Variants in RFX3 observed in about 807,000 individuals in gnomAD.
The protein encoded by RFX3 is regulatory factor X3.
RFX3 carries 14 observed loss-of-function variants against 98.6 expected under a neutral mutation model. The ratio of observed to expected loss-of-function variants is 0.14; its 90% CI spans 0.09 to 0.22. The LOEUF is 0.22. RFX3 is among the 10% of genes least tolerant of loss of function. RFX3 has a pLI of 1.00. For synonymous variants in RFX3, 383 were observed against 328.4 expected (o/e 1.17, Z -1.80); for missense variants, 639 against 926.9 (o/e 0.69, Z 4.03).
intron 3 of RFX3, among the ~76,000 whole-genome samples, chr9:3,333,736 A>G (rs1832852570): frequency 6.6e-6 from 1 of 152,206 alleles, no homozygotes; most frequent in African/African-American, 2.4e-5. Context: ...AACAATAAAT[A>G]CTTTGAGAGA....
At chr9:3,333,532 G>C (rs1239391653) in intron 3 of RFX3, among the ~76,000 whole-genome samples, 2 of 139,452 alleles carry the variant, frequency 1.4e-5, no homozygotes, top group Non-Finnish European at 3.1e-5. Flanking sequence ...AATCTCATTT[G>C]TTTCTTTATT....
At chr9:3,244,760 C>A (rs905083595) in intron 15 of RFX3, among the ~76,000 whole-genome samples, 22 of 152,166 alleles carry the variant, frequency 1.4e-4, no homozygotes, top group Non-Finnish European at 1.9e-4. Flanking sequence ...ATTCTTATAT[C>A]CCTTTAATTT....
At chr9:3,413,464 CTTTTA>C (rs1355592192) in intron 1 of RFX3, among the ~76,000 whole-genome samples, 1 of 151,976 alleles carries the variant, frequency 6.6e-6, no homozygotes, top group Non-Finnish European at 1.5e-5. Flanking sequence ...GAAGTGAACA[CTTTTA>C]TTTTATTTTT....
intron 6 of RFX3, among the ~76,000 whole-genome samples, chr9:3,291,561 C>T (rs1290828524): frequency 6.6e-6 from 1 of 152,128 alleles, no homozygotes; most frequent in African/African-American, 2.4e-5. Flanking sequence ...GCATAAAATA[C>T]ATACAGTTCT....
intron 1 of RFX3, among the ~76,000 whole-genome samples, chr9:3,509,932 T>C (rs1817504529): frequency 6.6e-6 from 1 of 151,914 alleles, no homozygotes; most frequent in African/African-American, 2.4e-5. Context: ...CTATAAGAAG[T>C]GGGGAGGAGG....
intron 1 of RFX3, among the ~76,000 whole-genome samples, chr9:3,411,929 C>G (rs1351587556): frequency 2.0e-5 from 3 of 152,138 alleles, no homozygotes; most frequent in African/African-American, 4.8e-5. Flanking sequence ...TTAATTGTAT[C>G]ATTTTCTTCT....
intron 2 of RFX3, among the ~76,000 whole-genome samples, chr9:3,365,069 G>A (rs1013694285): frequency 6.6e-6 from 1 of 151,984 alleles, no homozygotes; most frequent in Non-Finnish European, 1.5e-5. Flanking sequence ...CGGGAGGCCG[G>A]GACAGGTGGA....
chr9:3,283,513 G>A (rs146404160), intron 7 of RFX3, among the ~76,000 whole-genome samples: 53 of 151,622 alleles, frequency 3.5e-4, no homozygotes, highest in African/African-American at 1.2e-3. Flanking sequence ...TATAGGGTTC[G>A]TTTAACTAGT....
chr9:3,270,709 A>AG lies in RFX3; in HGVS notation c.1203-185dup, dbSNP rs1429940442. The AG allele has an allele frequency of 6.7e-5, 45 of 675,046 alleles. 1 individual carries two copies. The highest frequency in any genetic ancestry group is 1.1e-4 in the Non-Finnish European group (44 of 405,934). The allele number at this position is 675,046 out of a possible 1,614,324, so 41.8% of individuals were successfully genotyped here. On this transcript the variant is annotated intron_variant, in intron 10 of 16. Transcript: ENST00000617270. Reference sequence around the variant, plus strand: ...AGACAGATATATAAAACACTCCCCCAGAGCTGTCTATGCACATTTGTATTT... The same window carrying AG: ...AGACAGATATATAAAACACTCCCCCAGGAGCTGTCTATGCACATTTGTATTT...
intron 1 of RFX3, among the ~76,000 whole-genome samples, chr9:3,505,090 T>G (rs532479015): frequency 2.2e-4 from 21 of 96,084 alleles, no homozygotes; most frequent in African/African-American, 8.6e-4. Flanking sequence ...TAAAATATTT[T>G]ATATATTTAG....
At chr9:3,450,978 A>G (rs1846561787) in intron 1 of RFX3, among the ~76,000 whole-genome samples, 1 of 152,216 alleles carries the variant, frequency 6.6e-6, no homozygotes, top group Non-Finnish European at 1.5e-5. Flanking sequence ...ACTATTTTCC[A>G]ATAAAAAGAA....
chr9:3,237,149 T>C (rs1819269944), intron 15 of RFX3, among the ~76,000 whole-genome samples: 1 of 152,240 alleles, frequency 6.6e-6, no homozygotes. Context: ...TATGACTGTC[T>C]AGTTAGAACT....
At chr9:3,280,503 G>T (rs2131470791) in intron 7 of RFX3, among the ~76,000 whole-genome samples, 1 of 151,772 alleles carries the variant, frequency 6.6e-6, no homozygotes, top group East Asian at 1.9e-4. Flanking sequence ...CCTAACTAAG[G>T]AAAATATCCT....
chr9:3,445,829 C>G (rs1241232192), intron 1 of RFX3, among the ~76,000 whole-genome samples: 1 of 152,128 alleles, frequency 6.6e-6, no homozygotes, highest in Non-Finnish European at 1.5e-5. Flanking sequence ...AAATGCAATG[C>G]ATTTGTACTT....
At chr9:3,291,974 T>C (rs1264598995) in intron 6 of RFX3, among the ~76,000 whole-genome samples, 2 of 141,592 alleles carry the variant, frequency 1.4e-5, no homozygotes, top group Admixed American at 7.7e-5. Context: ...GGAGAATCAT[T>C]TGAACCTGCG....
intron 5 of RFX3, among the ~76,000 whole-genome samples, chr9:3,299,983 G>A (rs947887006): frequency 6.6e-6 from 1 of 150,482 alleles, no homozygotes; most frequent in African/African-American, 2.4e-5. Flanking sequence ...TCTGAAAGCT[G>A]AAACAGGTAA....
chr9:3,332,847 C>A (rs185264057), intron 3 of RFX3, among the ~76,000 whole-genome samples: 1 of 152,252 alleles, frequency 6.6e-6, no homozygotes, highest in Admixed American at 6.5e-5. Context: ...CCTGAAAGGC[C>A]CTTTCATTTT....
chr9:3,356,952 CAT>C (rs1244617093), intron 2 of RFX3, among the ~76,000 whole-genome samples: 3 of 139,862 alleles, frequency 2.1e-5, no homozygotes, highest in Non-Finnish European at 4.5e-5. Context: ...CACACACACA[CAT>C]ACACACATGC....
intron 1 of RFX3, among the ~76,000 whole-genome samples, chr9:3,493,428 T>C (rs1850865214): frequency 6.6e-6 from 1 of 151,996 alleles, no homozygotes; most frequent in South Asian, 2.1e-4. Context: ...CTCACACCTG[T>C]AATCCCAGCA....
Sources: allele counts gnomAD v4.1 joint callset (sites outside exome capture counted in the v4.1 genomes callset), GRCh38; gene constraint gnomAD v4.1.1; transcripts MANE v1.5; gene names NCBI Gene and HGNC (gene_info 2026-07-23, HGNC 2026-07-21).